Variants in NFYC observed in about 807,000 individuals in gnomAD.
The protein encoded by NFYC is nuclear transcription factor Y subunit gamma, also known as CAAT box DNA-binding protein subunit C.
In NFYC, 25 loss-of-function variants were observed where a neutral mutation model predicts 53.1. That is an observed-to-expected ratio of 0.47 (90% CI 0.34 to 0.66). NFYC has a LOEUF of 0.66. Among genes scored for constraint, NFYC ranks in the 30% least tolerant of loss-of-function variants. The pLI, the probability that NFYC is intolerant of heterozygous loss-of-function variation, is 0.01. For missense variants in NFYC, 260 were observed against 422.7 expected (o/e 0.62, Z 3.38); for synonymous variants, 145 against 152.6 (o/e 0.95, Z 0.37).
At chr1:40,769,311 G>T in intron 8 of NFYC, 45 bp from the exon 9 acceptor site, 1 of 1,595,918 alleles carries the variant, frequency 6.3e-7, no homozygotes, top group South Asian at 1.1e-5. Flanking sequence ...TGGTGGATCA[G>T]ACCCTGCAGC....
chr1:40,744,192 G>A (rs532970920), intron 2 of NFYC, among the ~76,000 whole-genome samples: 97 of 152,294 alleles, frequency 6.4e-4, no homozygotes, highest in South Asian at 5.8e-3. Context: ...CATGAACTGC[G>A]CATGTGAGGG....
At chr1:40,695,976 C>T (rs535372105) in intron 1 of NFYC, among the ~76,000 whole-genome samples, 17 of 151,142 alleles carry the variant, frequency 1.1e-4, no homozygotes, top group African/African-American at 3.6e-4. Flanking sequence ...TAAGTTCTCA[C>T]AGCCAGTAAG....
intron 8 of NFYC, 94 bp downstream of exon 8, chr1:40,766,797 C>G: frequency 6.7e-7 from 1 of 1,487,718 alleles, no homozygotes; most frequent in South Asian, 1.2e-5. Flanking sequence ...TGTCTTGCCA[C>G]CTCATCCTTC....
At chr1:40,731,950 T>G (rs1274157316) in intron 1 of NFYC, among the ~76,000 whole-genome samples, 1 of 152,246 alleles carries the variant, frequency 6.6e-6, no homozygotes, top group African/African-American at 2.4e-5. Context: ...TAGCCTTTGG[T>G]AAAATTGGTT....
intron 1 of NFYC, among the ~76,000 whole-genome samples, chr1:40,727,532 C>CT (rs372284521): frequency 0.022 from 2,898 of 130,106 alleles, 50 homozygotes; most frequent in Non-Finnish European, 0.025. Context: ...CATGAATATT[C>CT]TTTTTTTTTT....
intron 5 of NFYC, 72 bp from the exon 6 acceptor site, chr1:40,758,049 G>A (rs1646328581): frequency 1.3e-6 from 2 of 1,549,270 alleles, no homozygotes; most frequent in Admixed American, 3.4e-5. Context: ...TTTGGGGGAA[G>A]AGTGGAAATT....
intron 1 of NFYC, among the ~76,000 whole-genome samples, chr1:40,720,177 A>G (rs916028204): frequency 6.6e-6 from 1 of 152,206 alleles, no homozygotes; most frequent in African/African-American, 2.4e-5. Flanking sequence ...ATTTAAATCA[A>G]TAAAAGACAC....
chr1:40,704,292 C>G (rs1643587348), intron 1 of NFYC, among the ~76,000 whole-genome samples: 1 of 152,046 alleles, frequency 6.6e-6, no homozygotes, highest in South Asian at 2.1e-4. Flanking sequence ...AGGATGGTCT[C>G]GATCTCCTGA....
At chr1:40,757,448 G>T (rs1482042258) in intron 5 of NFYC, 2 of 471,304 alleles carry the variant, frequency 4.2e-6, no homozygotes, top group African/African-American at 2.0e-5. Flanking sequence ...AGCCAAGGCA[G>T]TACCCCAGCG....
At chr1:40,717,622 A>G (rs1270626220) in intron 1 of NFYC, among the ~76,000 whole-genome samples, 1 of 152,208 alleles carries the variant, frequency 6.6e-6, no homozygotes, top group Non-Finnish European at 1.5e-5. Context: ...AAGACTAGAA[A>G]TACTTCCTTA....
At position 40,770,012 on chromosome 1, in the gene NFYC, C is replaced by G. The variant is rs1186832221; in HGVS notation, c.888+597C>G. On this transcript the variant is annotated intron_variant, in intron 9 of 9. Transcript: ENST00000447388. The surrounding 1 kb of genome is among the most constrained non-coding windows in gnomAD (Gnocchi z 5.3). Reference sequence around the variant, plus strand: ...AAGGGAGAAGAGCTGGCATCAGGACCCACCTCTGGCTTCTGCCAGCACCAC... The same window carrying G: ...AAGGGAGAAGAGCTGGCATCAGGACGCACCTCTGGCTTCTGCCAGCACCAC... Among the ~76,000 whole-genome samples the G allele has an allele frequency of 6.6e-6, 1 of 152,184 alleles. No individual in the cohort carries two copies. The highest frequency in any genetic ancestry group is 1.5e-5 in the Non-Finnish European group (1 of 68,028).
At chr1:40,706,007 A>T (rs1208976278) in intron 1 of NFYC, among the ~76,000 whole-genome samples, 1 of 152,194 alleles carries the variant, frequency 6.6e-6, no homozygotes, top group Admixed American at 6.5e-5. Context: ...TGGCCTCCCA[A>T]AATGCTGGGA....
chr1:40,695,909 G>A (rs1643108890), intron 1 of NFYC, among the ~76,000 whole-genome samples: 1 of 152,062 alleles, frequency 6.6e-6, no homozygotes, highest in African/African-American at 2.4e-5. Context: ...ACACTATGAG[G>A]TAGATAATAT....
chr1:40,716,155 G>C (rs1023439014), intron 1 of NFYC, among the ~76,000 whole-genome samples: 2 of 152,112 alleles, frequency 1.3e-5, no homozygotes, highest in African/African-American at 4.8e-5. Context: ...CTTTTTTGTG[G>C]AGACTTTAAA....
chr1:40,754,551 C>G, intron 5 of NFYC: 1 of 404,826 alleles, frequency 2.5e-6, no homozygotes. Flanking sequence ...GAAGTCACAA[C>G]AAGAACTCAG....
intron 1 of NFYC, among the ~76,000 whole-genome samples, chr1:40,713,854 AGAAG>A (rs1400448364): frequency 5.3e-5 from 8 of 152,178 alleles, no homozygotes; most frequent in Non-Finnish European, 5.9e-5. Context: ...GTTTGGGTAT[AGAAG>A]GAACAGAGAA....
At chr1:40,763,475 T>C (rs1187253774) in intron 7 of NFYC, 1 of 445,672 alleles carries the variant, frequency 2.2e-6, no homozygotes, top group African/African-American at 2.0e-5. Context: ...GCCTCCCGAG[T>C]AGCTGGGATT....
intron 1 of NFYC, among the ~76,000 whole-genome samples, chr1:40,708,586 C>T (rs1362304150): frequency 1.3e-5 from 2 of 152,148 alleles, no homozygotes; most frequent in Non-Finnish European, 2.9e-5. Context: ...ATTGTCCCTG[C>T]CGCTAACTTC....
At chr1:40,715,976 T>C in intron 1 of NFYC, among the ~76,000 whole-genome samples, 1 of 152,246 alleles carries the variant, frequency 6.6e-6, no homozygotes, top group Non-Finnish European at 1.5e-5. Context: ...TCTGTTTCCA[T>C]AGTTTCAATT....
Sources: allele counts gnomAD v4.1 joint callset (sites outside exome capture counted in the v4.1 genomes callset), GRCh38; gene constraint gnomAD v4.1.1; non-coding constraint Gnocchi (gnomAD v3.1); transcripts MANE v1.5; gene names NCBI Gene and HGNC (gene_info 2026-07-23, HGNC 2026-07-21).